The following ARHGAP27 variants were observed in gnomAD, a reference collection of about 807,000 sequenced individuals.
ARHGAP27 encodes the protein Rho GTPase activating protein 27.
ARHGAP27 carries 53 observed loss-of-function variants against 102.0 expected under a neutral mutation model. That is an observed-to-expected ratio of 0.52 (90% CI 0.42 to 0.65). ARHGAP27 has a LOEUF of 0.65. Ranked by LOEUF, ARHGAP27 falls within the 30% of genes least tolerant of loss-of-function variation. The pLI is 0.00. For synonymous variants in ARHGAP27, 525 were observed against 542.8 expected, an observed-to-expected ratio of 0.97 and a Z score of 0.46; for missense variants, 1,117 against 1,256.2, an observed-to-expected ratio of 0.89 and a Z score of 1.68.
chr17:45,424,208 C>T (rs1229274023), intron 4 of ARHGAP27, among the ~76,000 whole-genome samples: 5 of 152,254 alleles, frequency 3.3e-5, no homozygotes, highest in Non-Finnish European at 7.3e-5. Flanking sequence ...GCAGGCCTCA[C>T]CCGGCTCAGG....
chr17:45,399,365 G>A (rs2046143584), intron 12 of ARHGAP27, among the ~76,000 whole-genome samples: 1 of 152,156 alleles, frequency 6.6e-6, no homozygotes, highest in Admixed American at 6.6e-5. Flanking sequence ...GGCTGAGGCG[G>A]GTGGATCATG....
At position 45,429,818 on chromosome 17, in the gene ARHGAP27, C is replaced by G. The variant is rs1352045333; in HGVS notation, c.462G>C (p.Ala154=). Residue 154 remains alanine (A), a synonymous_variant, in exon 4 of 20, where the codon GCG becomes GCC. Coordinates refer to ENST00000685559, the MANE Select transcript of ARHGAP27 (RefSeq NM_001282290.2). Reference sequence around the variant, plus strand: ...CGCAGGCCAGGTCGTTCAGGGACTGCGCGGGCCGCACGGGCGCCGCGGGCC... The same window carrying G: ...CGCAGGCCAGGTCGTTCAGGGACTGGGCGGGCCGCACGGGCGCCGCGGGCC... ...YLRPAAPVRP[A]QSLNDLACAA... 1 of 1,445,580 alleles carries G rather than the reference C, an allele frequency of 6.9e-7. No homozygotes were observed. Among genetic ancestry groups the G allele is most frequent in the African/African-American group, 1.5e-5 (1 of 66,232 alleles). 89.5% of individuals were successfully genotyped at this position (1,445,580 alleles called of 1,614,324 possible). A position where few individuals can be genotyped will look rare whatever the true frequency, so the allele number is the denominator to read the frequency against.
At chr17:45,405,434 G>A (rs1261098882) in intron 5 of ARHGAP27, among the ~76,000 whole-genome samples, 1 of 150,084 alleles carries the variant, frequency 6.7e-6, no homozygotes, top group African/African-American at 2.5e-5. Context: ...CTGGTCCTTA[G>A]GTCTGTGGGA....
chr17:45,396,511 A>G lies in ARHGAP27; in HGVS notation c.2149T>C (p.Cys717Arg). 3 of 1,567,390 alleles carry G rather than the reference A, an allele frequency of 1.9e-6. No individual in the cohort carries two copies. Among genetic ancestry groups the G allele is most frequent in the Non-Finnish European group, 2.6e-6 (3 of 1,162,466 alleles). Residue 717 changes from cysteine to arginine, a missense_variant, in exon 16 of 20, where the codon TGC becomes CGC. Physicochemically the swap from Cys to Arg is radical, Grantham distance 180 (BLOSUM62 -3). Coordinates refer to ENST00000685559, the MANE Select transcript of ARHGAP27 (RefSeq NM_001282290.2). ...CCGCGGGCCTCGACGGCGCGGATGCACTGCTGCACGAAGCGTGGCACCCGG... is the reference window on the plus strand; with the variant it reads ...CCGCGGGCCTCGACGGCGCGGATGCGCTGCTGCACGAAGCGTGGCACCCGG... Reference protein sequence around the residue: ...RSRVPRFVQQCIRAVEARGLD... With the variant: ...RSRVPRFVQQRIRAVEARGLD...
intron 4 of ARHGAP27, among the ~76,000 whole-genome samples, chr17:45,426,848 G>GT (rs1279290246): frequency 6.6e-6 from 1 of 152,150 alleles, no homozygotes; most frequent in Non-Finnish European, 1.5e-5. Context: ...CTGACCAGCT[G>GT]AGCGTCTAGT....
intron 4 of ARHGAP27, among the ~76,000 whole-genome samples, chr17:45,417,595 C>T (rs900177999): frequency 4.0e-5 from 6 of 151,746 alleles, no homozygotes; most frequent in South Asian, 4.2e-4. Context: ...GGTGAAACTC[C>T]GTCTCTACTA....
intron 4 of ARHGAP27, among the ~76,000 whole-genome samples, chr17:45,412,962 CTTTTTTTTTTTTT>C (rs36233058): frequency 0.037 from 1,524 of 41,054 alleles, 67 homozygotes; most frequent in African/African-American, 0.12. Flanking sequence ...TCAGTATAAT[CTTTTTTTTTTTTT>C]TTTTTTTTTT....
At chr17:45,406,142 AGGTCCCCTCTGGGCAGTGC>A (rs1345985938) in intron 4 of ARHGAP27, 59 bp from the exon 5 acceptor site, 3 of 1,463,890 alleles carry the variant, frequency 2.0e-6, no homozygotes, top group Non-Finnish European at 2.7e-6. Flanking sequence ...ATGGTAACAG[AGGTCCCCTCTGGGCAGTGC>A]GATTATAGGG....
chr17:45,416,574 A>T (rs2048482149), intron 4 of ARHGAP27, among the ~76,000 whole-genome samples: 1 of 148,708 alleles, frequency 6.7e-6, no homozygotes, highest in African/African-American at 2.5e-5. Flanking sequence ...TTTGAGATGG[A>T]GTCTAGCTCT....
rs1007844954 is a variant in ARHGAP27, at chr17:45,395,729, G to A, written c.2492+15C>T. On this transcript the variant is annotated intron_variant, in intron 19 of 19. Coordinates refer to ENST00000685559, the MANE Select transcript of ARHGAP27 (RefSeq NM_001282290.2). ...GGACCTGCCTCCCCCTTCCCGCGCG[G>A]GCCGCCCGGCTCACCGGCAGAGGTG... 3.2e-6 allele frequency: 5 copies of A among 1,581,712 alleles called. No homozygotes were observed. Among genetic ancestry groups the A allele is most frequent in the South Asian group, 2.3e-5 (2 of 87,620 alleles).
Position 45,406,013 on chromosome 17 carries a change from G to C in ARHGAP27, c.728C>G (p.Ala243Gly). 6.5e-7 allele frequency: 1 copy of C among 1,535,040 alleles called. No individual in the cohort carries two copies. The highest frequency in any genetic ancestry group is 8.7e-7 in the Non-Finnish European group (1 of 1,146,298). Residue 243 changes from alanine (A) to glycine (G), a missense_variant, in exon 5 of 20, where the codon GCT (alanine) becomes GGT (glycine). Physicochemically the swap from Ala to Gly is moderately conservative, Grantham distance 60 (BLOSUM62 0). Coordinates refer to ENST00000685559, the MANE Select transcript of ARHGAP27 (RefSeq NM_001282290.2). ...CACCGGGCTGGGAAGGGGGGCTGCA[G>C]CGGCGCCCGGTGAAGTGGCCCGGGG... ...RQPRATSPGA[A>G]AAPLPSPVWE...
Position 45,395,752 on chromosome 17 carries a change from G to A in ARHGAP27, c.2484C>T (p.His828=). The change falls in exon 19 of 20, where the codon CAC becomes CAT. Residue 828 remains histidine (H), a synonymous_variant. Coordinates refer to ENST00000685559, the MANE Select transcript of ARHGAP27 (RefSeq NM_001282290.2). ...CGGGCCGCCCGGCTCACCGGCAGAG[G>A]TGCTGGAAGAGCATCCGCAGAGTGT... ...NHDTLRMLFQ[H]LCRVIEHGEQ... is the part of the protein sequence containing the mutation. 6.3e-7 allele frequency: 1 copy of A among 1,597,510 alleles called. No homozygotes were observed. Among genetic ancestry groups the A allele is most frequent in the South Asian group, 1.1e-5 (1 of 89,480 alleles).
At chr17:45,414,549 T>TGCCTCA (rs1315351249) in intron 4 of ARHGAP27, among the ~76,000 whole-genome samples, 36 of 151,222 alleles carry the variant, frequency 2.4e-4, no homozygotes, top group African/African-American at 8.0e-4. Flanking sequence ...GCAATCCTTC[T>TGCCTCA]GCCTCAGCCT....
Position 45,396,787 on chromosome 17 carries a change from G to C in ARHGAP27, c.1955C>G (p.Ala652Gly). The change falls in exon 15 of 20, where the codon GCG (alanine) becomes GGG (glycine). Residue 652 changes from alanine to glycine, a missense_variant. Ala to Gly is a moderately conservative substitution (Grantham distance 60, BLOSUM62 0). Coordinates refer to ENST00000685559, the MANE Select transcript of ARHGAP27 (RefSeq NM_001282290.2). ...KEEDARPNAA[A>G]PALGPVGLES... ...CAGGCCCACGGGGCCCAGGGCGGGCGCGGCTGCCGCGGGGAAAGGCAGGAC... is the reference window on the plus strand; with the variant it reads ...CAGGCCCACGGGGCCCAGGGCGGGCCCGGCTGCCGCGGGGAAAGGCAGGAC... 1.2e-6 allele frequency: 2 copies of C among 1,610,030 alleles called. No individual in the cohort carries two copies. Among genetic ancestry groups the C allele is most frequent in the East Asian group, 4.5e-5 (2 of 44,762 alleles).
In ARHGAP27 at chr17:45,403,846, C is replaced by T. The variant is rs954632476; in HGVS notation, c.1548-137G>A. The T allele has an allele frequency of 7.1e-6, 7 of 985,722 alleles. No homozygotes were observed. In the Admixed American group the frequency reaches 1.6e-4, roughly 22 times the overall value. 61.1% of individuals were successfully genotyped at this position (985,722 alleles called of 1,614,324 possible). ...CATTATGAGGGCTGGAATCCCGACT[C>T]TAACACCTAGCAGCCGAGGGACCTT... On this transcript the variant is annotated intron_variant, in intron 10 of 19. Coordinates refer to ENST00000685559, the MANE Select transcript of ARHGAP27 (RefSeq NM_001282290.2).
Position 45,396,665 on chromosome 17 carries a change from T to C in ARHGAP27, c.2074+3A>G, listed in dbSNP as rs2045750029. On this transcript the variant is annotated splice_donor_region_variant and intron_variant, in intron 15 of 19. Coordinates refer to ENST00000685559, the MANE Select transcript of ARHGAP27 (RefSeq NM_001282290.2). The stretch of plus-strand genomic sequence containing the variant: ...GTCCCCGCCCCCCGCAGGCCTCGGG[T>C]ACCTTTGATGTAGCCCTTCTCCCGC... 6.2e-7 allele frequency: 1 copy of C among 1,613,344 alleles called. No individual in the cohort carries two copies. Among genetic ancestry groups the C allele is most frequent in the African/African-American group, 1.3e-5 (1 of 74,882 alleles).
intron 4 of ARHGAP27, among the ~76,000 whole-genome samples, chr17:45,422,825 A>C (rs1038261103): frequency 4.6e-5 from 7 of 152,362 alleles, no homozygotes; most frequent in African/African-American, 1.7e-4. Context: ...GAAAGTTTGA[A>C]TAATACAATC....
chr17:45,407,318 A>G (rs2047303585), intron 4 of ARHGAP27, among the ~76,000 whole-genome samples: 2 of 151,590 alleles, frequency 1.3e-5, no homozygotes, highest in African/African-American at 2.4e-5. Context: ...GCTGACTCCA[A>G]TTCCTTCTTC....
intron 4 of ARHGAP27, chr17:45,425,655 A>G (rs539454051): frequency 2.0e-5 from 20 of 985,354 alleles, no homozygotes; most frequent in East Asian, 1.1e-4. Context: ...GGCTGCTTGT[A>G]TAAGAAGGTG....
Sources: allele counts gnomAD v4.1 joint callset (sites outside exome capture counted in the v4.1 genomes callset), GRCh38; gene constraint gnomAD v4.1.1; transcripts MANE v1.5; gene names NCBI Gene and HGNC (gene_info 2026-07-23, HGNC 2026-07-21).